The following LRP1B variants were observed in gnomAD, a reference collection of about 807,000 sequenced individuals.
LRP1B encodes low-density lipoprotein receptor-related protein 1B.
LRP1B carries 217 observed loss-of-function variants against 556.6 expected under a neutral mutation model. The observed-to-expected ratio is 0.39, with a 90% CI of 0.35 to 0.44. LRP1B has a LOEUF of 0.44. Among genes scored for constraint, LRP1B ranks in the 20% least tolerant of loss-of-function variants. The pLI is 1.00. For synonymous variants in LRP1B, 2,047 were observed against 1,865.8 expected (o/e 1.10, Z -2.50); for missense variants, 5,053 against 5,620.8 (o/e 0.90, Z 3.23).
At chr2:140,616,200 T>C (rs1683251247) in intron 41 of LRP1B, among the ~76,000 whole-genome samples, 1 of 152,018 alleles carries the variant, frequency 6.6e-6, no homozygotes, top group Non-Finnish European at 1.5e-5. Context: ...CAGTAATATG[T>C]ACTCATATTC....
chr2:140,387,017 T>C (rs1365709334), intron 66 of LRP1B, among the ~76,000 whole-genome samples: 3 of 152,162 alleles, frequency 2.0e-5, no homozygotes, highest in African/African-American at 7.2e-5. Flanking sequence ...TGAAGCACAC[T>C]GAATAGCAAG....
chr2:141,617,624 A>G (rs540006856), intron 2 of LRP1B, among the ~76,000 whole-genome samples: 1 of 152,188 alleles, frequency 6.6e-6, no homozygotes, highest in African/African-American at 2.4e-5. Context: ...TTCTCTTCAG[A>G]TAATACAAAA....
chr2:141,205,769 A>G (rs1682248410), intron 6 of LRP1B, among the ~76,000 whole-genome samples: 1 of 152,230 alleles, frequency 6.6e-6, no homozygotes, highest in South Asian at 2.1e-4. Flanking sequence ...TTAACTAGAA[A>G]TGGTTTCTGT....
chr2:141,828,615 G>C (rs569940806), intron 1 of LRP1B, among the ~76,000 whole-genome samples: 2 of 152,154 alleles, frequency 1.3e-5, no homozygotes, highest in African/African-American at 4.8e-5. Flanking sequence ...GTTTAAGTGG[G>C]TTTTTCATAA....
At chr2:140,985,608 A>AAG (rs952517567) in intron 17 of LRP1B, among the ~76,000 whole-genome samples, 5 of 151,976 alleles carry the variant, frequency 3.3e-5, no homozygotes, top group Non-Finnish European at 5.9e-5. Context: ...GAGAACGGCT[A>AAG]CCAACACCCT....
chr2:141,096,627 GGGGAGA>G (rs767475550), intron 7 of LRP1B, among the ~76,000 whole-genome samples: 2,335 of 50,484 alleles, frequency 0.046, 193 homozygotes, highest in African/African-American at 0.066. Flanking sequence ...ACGGGGAGAG[GGGGAGA>G]GAGAGAGAGA....
chr2:140,555,615 C>T (rs1238134339), intron 43 of LRP1B, among the ~76,000 whole-genome samples: 8 of 151,880 alleles, frequency 5.3e-5, no homozygotes, highest in Admixed American at 1.3e-4. Context: ...TTGGTTTAGA[C>T]CTGTTAAATA....
rs1278702912 is a variant in LRP1B, at chr2:140,450,590, T to C, written c.10035A>G (p.Gly3345=). The C allele has an allele frequency of 4.3e-6, 7 of 1,611,938 alleles. No homozygotes were observed. In the South Asian group the frequency reaches 6.6e-5, roughly 15 times the overall value. The change falls in exon 63 of 91, where the codon GGA becomes GGG. Residue 3345 remains glycine, a synonymous_variant. Transcript: ENST00000389484. ...CACGACAGTCATCAGGTTCATCAGA[T>C]CCATCACCACAGTCATCCACGGTGT... ...KCDTVDDCGD[G]SDEPDDCPEF... is the part of the protein sequence containing the mutation.
intron 3 of LRP1B, among the ~76,000 whole-genome samples, chr2:141,277,931 A>G (rs1685365260): frequency 6.6e-6 from 1 of 152,166 alleles, no homozygotes; most frequent in African/African-American, 2.4e-5. Context: ...AAAATAAAAT[A>G]CAATAACCTT....
At chr2:140,895,359 T>C (rs571741492) in intron 23 of LRP1B, among the ~76,000 whole-genome samples, 1 of 152,236 alleles carries the variant, frequency 6.6e-6, no homozygotes, top group Admixed American at 6.5e-5. Context: ...GAAAATGCAA[T>C]TGAAACAGGA....
chr2:141,978,188 T>C (rs140904543), intron 1 of LRP1B, among the ~76,000 whole-genome samples: 165 of 152,236 alleles, frequency 1.1e-3, no homozygotes, highest in African/African-American at 3.9e-3. Context: ...TCCTTATCTC[T>C]CTTCTAAAAT....
chr2:141,181,895 A>G (rs1681015167), intron 7 of LRP1B, among the ~76,000 whole-genome samples: 2 of 152,018 alleles, frequency 1.3e-5, no homozygotes, highest in South Asian at 2.1e-4. Context: ...TGAGTCCTAT[A>G]TAAAACAGCT....
chr2:140,849,217 A>AAAAAAAAAAAAAAAG (rs1692367991), intron 29 of LRP1B, among the ~76,000 whole-genome samples: 1 of 95,862 alleles, frequency 1.0e-5, no homozygotes, highest in Non-Finnish European at 2.5e-5. Context: ...AAAAAAAAAA[A>AAAAAAAAAAAAAAAG]AAAAAAATAG....
chr2:141,703,137 G>A (rs1250412478), intron 2 of LRP1B, among the ~76,000 whole-genome samples: 3 of 151,884 alleles, frequency 2.0e-5, no homozygotes, highest in African/African-American at 7.2e-5. Flanking sequence ...ATGATTTTCA[G>A]TAAAAGTCAT....
chr2:141,311,686 G>T (rs1686820418), intron 3 of LRP1B, among the ~76,000 whole-genome samples: 2 of 152,148 alleles, frequency 1.3e-5, no homozygotes, highest in Admixed American at 6.5e-5. Flanking sequence ...GCATCATCTT[G>T]CCCTCTTGTC....
intron 7 of LRP1B, among the ~76,000 whole-genome samples, chr2:141,125,753 G>A (rs769710891): frequency 6.7e-6 from 1 of 148,356 alleles, no homozygotes; most frequent in African/African-American, 2.5e-5. Context: ...CAGGCATTTA[G>A]GAGAAGTTTA....
chr2:141,108,330 GTTTCTTT>G (rs1178823640), intron 7 of LRP1B, among the ~76,000 whole-genome samples: 21 of 66,618 alleles, frequency 3.2e-4, no homozygotes, highest in Non-Finnish European at 5.4e-4. Flanking sequence ...TTTATAATCT[GTTTCTTT>G]TTTTTTTTTT....
intron 41 of LRP1B, among the ~76,000 whole-genome samples, chr2:140,686,943 G>A (rs1308449786): frequency 1.3e-5 from 2 of 152,000 alleles, no homozygotes; most frequent in African/African-American, 4.8e-5. Context: ...AATGGAATGT[G>A]GTCATCACAG....
At chr2:140,629,312 C>T (rs1037110616) in intron 41 of LRP1B, among the ~76,000 whole-genome samples, 1 of 151,932 alleles carries the variant, frequency 6.6e-6, no homozygotes, top group African/African-American at 2.4e-5. Flanking sequence ...TAGCGATCCA[C>T]CCCCCTTGGC....
Sources: gnomAD v4.1 joint callset for allele counts (sites outside exome capture counted in the v4.1 genomes callset) on GRCh38, gnomAD v4.1.1 for gene constraint, MANE v1.5 for transcripts, NCBI Gene and HGNC (gene_info 2026-07-23, HGNC 2026-07-21) for gene names.